Variants in CRACR2A observed in about 807,000 individuals in gnomAD.
CRACR2A encodes the protein EF-hand calcium-binding domain-containing protein 4B.
CRACR2A carries 79 observed loss-of-function variants against 90.5 expected under a neutral mutation model. The observed-to-expected ratio is 0.87, with a 90% CI of 0.73 to 1.05. The LOEUF (loss-of-function observed/expected upper bound fraction) is 1.05, where lower values mean the gene tolerates loss of function less well. Ranked by LOEUF, CRACR2A falls within the 50% of genes least tolerant of loss-of-function variation. CRACR2A has a pLI of 0.00. For synonymous variants in CRACR2A, 338 were observed against 356.7 expected, an observed-to-expected ratio of 0.95 and a Z score of 0.59; for missense variants, 823 against 897.2, an observed-to-expected ratio of 0.92 and a Z score of 1.06.
intron 8 of CRACR2A, among the ~76,000 whole-genome samples, chr12:3,657,070 G>T (rs531242153): frequency 6.6e-6 from 1 of 152,326 alleles, no homozygotes; most frequent in South Asian, 2.1e-4. Flanking sequence ...GAGGAGGAAA[G>T]TGTGTGGGCT....
intron 2 of CRACR2A, chr12:3,728,943 G>A (rs897667231): frequency 6.6e-6 from 1 of 152,200 alleles, no homozygotes. Context: ...ACCCAAGACA[G>A]CTGGAAGCCA....
chr12:3,674,610 A>G (rs994801718), intron 6 of CRACR2A, among the ~76,000 whole-genome samples: 1 of 152,252 alleles, frequency 6.6e-6, no homozygotes, highest in African/African-American at 2.4e-5. Context: ...ATATAATAAT[A>G]AACAGTAGAG....
chr12:3,711,999 A>C lies in CRACR2A; in HGVS notation c.-37+1238T>G, dbSNP rs1946012170. The stretch of plus-strand genomic sequence containing the variant: ...GAGAGGAAAACAAAGACAACAATGA[A>C]TCTAGCCTGCAGAGATAACCCCACT... On this transcript the variant is annotated intron_variant, in intron 3 of 19. Transcript: ENST00000440314. This position sits in a 1 kb window ranked among gnomAD's most constrained non-coding sequence, Gnocchi z 4.3. Among the ~76,000 whole-genome samples the C allele has an allele frequency of 6.6e-6, 1 of 152,204 alleles. No individual in the cohort carries two copies. Among genetic ancestry groups the C allele is most frequent in the African/African-American group, 2.4e-5 (1 of 41,452 alleles).
Position 3,712,223 on chromosome 12 carries a change from A to ATT in CRACR2A, c.-37+1012_-37+1013dup, listed in dbSNP as rs35576958. Among the ~76,000 whole-genome samples, 512 of 149,396 alleles carry ATT rather than the reference A, an allele frequency of 3.4e-3. 3 individuals are homozygous for ATT. The highest frequency in any genetic ancestry group is 0.011 in the African/African-American group (455 of 40,822). On this transcript the variant is annotated intron_variant, in intron 3 of 19. Transcript: ENST00000440314. ...ACCCTGTGACCTTGGGAAGTTGGCC[A>ATT]TTTTTTTTTTTAAAGTGGGGATAAC...
At chr12:3,697,845 G>A (rs1945769451) in intron 3 of CRACR2A, among the ~76,000 whole-genome samples, 2 of 152,190 alleles carry the variant, frequency 1.3e-5, no homozygotes, top group Non-Finnish European at 1.5e-5. Flanking sequence ...AGCCCAAACC[G>A]AATCACAAAT....
intron 2 of CRACR2A, chr12:3,727,413 G>A (rs1486135600): frequency 1.3e-5 from 2 of 152,140 alleles, no homozygotes; most frequent in African/African-American, 4.8e-5. Flanking sequence ...AGTTTGAGGC[G>A]CCTCTGCTAA....
At chr12:3,704,620 T>C (rs1227950770) in intron 3 of CRACR2A, among the ~76,000 whole-genome samples, 1 of 152,220 alleles carries the variant, frequency 6.6e-6, no homozygotes, top group Non-Finnish European at 1.5e-5. Context: ...AAAAGAAGAA[T>C]GGGTCTGGGT....
intron 9 of CRACR2A, among the ~76,000 whole-genome samples, chr12:3,655,276 T>A (rs1031134745): frequency 3.3e-5 from 5 of 152,060 alleles, no homozygotes; most frequent in African/African-American, 9.7e-5. Context: ...TAATGCATAA[T>A]AGAGAGGAAG....
chr12:3,735,581 T>C (rs1946438744), intron 1 of CRACR2A, among the ~76,000 whole-genome samples: 1 of 152,162 alleles, frequency 6.6e-6, no homozygotes, highest in South Asian at 2.1e-4. Flanking sequence ...CCAAAGCCTG[T>C]AAGGTAGTTC....
At chr12:3,737,898 C>G (rs888860899) in intron 1 of CRACR2A, among the ~76,000 whole-genome samples, 2 of 152,250 alleles carry the variant, frequency 1.3e-5, no homozygotes, top group Non-Finnish European at 2.9e-5. Flanking sequence ...AAAGGAGCCT[C>G]TCATCGATAA....
chr12:3,677,289 T>C (rs1444674907), intron 6 of CRACR2A, among the ~76,000 whole-genome samples: 1 of 152,250 alleles, frequency 6.6e-6, no homozygotes, highest in African/African-American at 2.4e-5. Context: ...CAGCCGTGAA[T>C]GTTTCCCTCA....
At chr12:3,708,148 T>A (rs1489280681) in intron 3 of CRACR2A, among the ~76,000 whole-genome samples, 1 of 152,192 alleles carries the variant, frequency 6.6e-6, no homozygotes, top group Non-Finnish European at 1.5e-5. Flanking sequence ...AGCTATTGAT[T>A]GACCCACTTT....
intron 10 of CRACR2A, among the ~76,000 whole-genome samples, chr12:3,650,731 G>C (rs17836203): frequency 0.21 from 32,190 of 152,022 alleles, 3,890 homozygotes; most frequent in East Asian, 0.45. Context: ...CTTAAGGTCT[G>C]GGTTCTCACG....
At chr12:3,655,002 C>A (rs116728188) in intron 9 of CRACR2A, among the ~76,000 whole-genome samples, 2,898 of 152,260 alleles carry the variant, frequency 0.019, 88 homozygotes, top group African/African-American at 0.066. Context: ...ACTAAAAACC[C>A]TGCATTTTTA....
intron 9 of CRACR2A, among the ~76,000 whole-genome samples, chr12:3,655,900 T>C (rs1371309134): frequency 6.6e-6 from 1 of 152,178 alleles, no homozygotes; most frequent in African/African-American, 2.4e-5. Context: ...GAGGTATCCA[T>C]GGCCATATTC....
At chr12:3,645,154 A>G (rs1944661050) in intron 11 of CRACR2A, among the ~76,000 whole-genome samples, 2 of 152,228 alleles carry the variant, frequency 1.3e-5, no homozygotes, top group Admixed American at 1.3e-4. Flanking sequence ...TGGAGGTATA[A>G]CTGTTATTGA....
intron 7 of CRACR2A, among the ~76,000 whole-genome samples, chr12:3,664,801 G>A (rs537808104): frequency 9.9e-5 from 15 of 152,220 alleles, no homozygotes; most frequent in Non-Finnish European, 1.9e-4. Flanking sequence ...GAGGTCAGGA[G>A]TTCAAAACCA....
intron 6 of CRACR2A, among the ~76,000 whole-genome samples, chr12:3,674,547 A>T (rs1331128547): frequency 6.6e-6 from 1 of 152,166 alleles, no homozygotes; most frequent in Non-Finnish European, 1.5e-5. Flanking sequence ...AAAAGTTAAT[A>T]ATTTCTCACA....
chr12:3,712,402 A>G (rs1946018260), intron 3 of CRACR2A, among the ~76,000 whole-genome samples: 1 of 152,216 alleles, frequency 6.6e-6, no homozygotes, highest in Non-Finnish European at 1.5e-5. Context: ...TTACTGGGGA[A>G]GCCCCAGGGA....
Sources: gnomAD v4.1 joint callset for allele counts (sites outside exome capture counted in the v4.1 genomes callset) on GRCh38, gnomAD v4.1.1 for gene constraint, Gnocchi (gnomAD v3.1) non-coding constraint, MANE v1.5 for transcripts, NCBI Gene and HGNC (gene_info 2026-07-23, HGNC 2026-07-21) for gene names.